The following SIPA1L1 variants were observed in gnomAD, a reference collection of about 807,000 sequenced individuals.
SIPA1L1 encodes the protein signal-induced proliferation-associated 1-like protein 1.
Under a neutral mutation model 162.7 loss-of-function variants are expected in SIPA1L1, and 26 were observed. The observed-to-expected ratio is 0.16, with a 90% CI of 0.12 to 0.22. SIPA1L1 has a LOEUF of 0.22. Ranked by LOEUF, SIPA1L1 falls within the 10% of genes least tolerant of loss-of-function variation. SIPA1L1 has a pLI of 1.00. For missense variants in SIPA1L1, 1,874 were observed against 2,241.0 expected (o/e 0.84, Z 3.31); for synonymous variants, 829 against 837.4 (o/e 0.99, Z 0.17).
chr14:71,332,421 T>C (rs1163761670), intron 2 of SIPA1L1, among the ~76,000 whole-genome samples: 2 of 152,188 alleles, frequency 1.3e-5, no homozygotes, highest in African/African-American at 4.8e-5. Context: ...ACAATTGCAG[T>C]TGTTTATGGT....
At chr14:71,637,857 G>A (rs2041319808) in intron 7 of SIPA1L1, among the ~76,000 whole-genome samples, 1 of 152,046 alleles carries the variant, frequency 6.6e-6, no homozygotes, top group Non-Finnish European at 1.5e-5. Flanking sequence ...CATGAATACA[G>A]GGGTACTACT....
intron 19 of SIPA1L1, among the ~76,000 whole-genome samples, chr14:71,727,317 G>A (rs541029036): frequency 2.9e-4 from 44 of 152,216 alleles, no homozygotes; most frequent in Middle Eastern, 6.8e-3. Flanking sequence ...TGAAAAGAAT[G>A]AGAGAACAGG....
intron 12 of SIPA1L1, among the ~76,000 whole-genome samples, chr14:71,684,452 G>A (rs772899523): frequency 3.9e-5 from 6 of 152,244 alleles, no homozygotes; most frequent in Admixed American, 6.5e-5. Context: ...GCCTTTGGCC[G>A]GACGCCCTTT....
At chr14:71,518,791 C>G (rs2052000811) in intron 3 of SIPA1L1, among the ~76,000 whole-genome samples, 1 of 151,920 alleles carries the variant, frequency 6.6e-6, no homozygotes, top group Non-Finnish European at 1.5e-5. Flanking sequence ...TGTTTTCATG[C>G]TGCTGATAAA....
At chr14:71,582,901 T>A (rs1326337605) in intron 4 of SIPA1L1, among the ~76,000 whole-genome samples, 1 of 152,218 alleles carries the variant, frequency 6.6e-6, no homozygotes, top group African/African-American at 2.4e-5. Context: ...CTAAGATGTG[T>A]TTCAGGCTAA....
chr14:71,618,893 T>A lies in SIPA1L1; in HGVS notation c.1629+6T>A, dbSNP rs2039108519. ...TAATTTTTAGAACTAGTGAGGTAAGTCGCAAATGAGAGAGGTTTGAGGTTT... is the reference window on the plus strand; with the variant it reads ...TAATTTTTAGAACTAGTGAGGTAAGACGCAAATGAGAGAGGTTTGAGGTTT... On this transcript the variant is annotated splice_donor_region_variant and intron_variant, in intron 6 of 23. Coordinates refer to ENST00000381232, the MANE Select transcript of SIPA1L1 (RefSeq NM_001386936.1). 2 of 1,612,572 alleles carry A rather than the reference T, an allele frequency of 1.2e-6. No individual in the cohort carries two copies. Among genetic ancestry groups the A allele is most frequent in the South Asian group, 2.2e-5 (2 of 90,684 alleles).
At chr14:71,416,720 T>C (rs2042787232) in intron 2 of SIPA1L1, among the ~76,000 whole-genome samples, 1 of 147,738 alleles carries the variant, frequency 6.8e-6, no homozygotes, top group Non-Finnish European at 1.5e-5. Context: ...AAGAAAAATC[T>C]ACACACACAC....
intron 4 of SIPA1L1, among the ~76,000 whole-genome samples, chr14:71,584,821 A>G (rs2034382537): frequency 6.6e-6 from 1 of 152,176 alleles, no homozygotes; most frequent in South Asian, 2.1e-4. Context: ...CTTTCAACAG[A>G]TGGAGGTGAC....
At chr14:71,372,769 A>G (rs1202885147) in intron 2 of SIPA1L1, among the ~76,000 whole-genome samples, 1 of 152,190 alleles carries the variant, frequency 6.6e-6, no homozygotes, top group African/African-American at 2.4e-5. Context: ...GGTGTCTGTA[A>G]TATTCAGTTG....
chr14:71,439,567 G>A (rs1595468973), intron 2 of SIPA1L1, among the ~76,000 whole-genome samples: 1 of 152,250 alleles, frequency 6.6e-6, no homozygotes, highest in Non-Finnish European at 1.5e-5. Flanking sequence ...AGTATGGAAT[G>A]GAAAACATTA....
At chr14:71,445,853 A>T (rs1292155730) in intron 2 of SIPA1L1, among the ~76,000 whole-genome samples, 3 of 151,952 alleles carry the variant, frequency 2.0e-5, no homozygotes, top group Non-Finnish European at 4.4e-5. Flanking sequence ...TTATTTATTT[A>T]TTTTATTTTT....
chr14:71,432,231 T>C (rs146619047), intron 2 of SIPA1L1, among the ~76,000 whole-genome samples: 283 of 152,162 alleles, frequency 1.9e-3, no homozygotes, highest in Non-Finnish European at 2.5e-3. Context: ...TGTGCCACCT[T>C]GCCTGACTAA....
At chr14:71,646,315 T>G (rs2042162178) in intron 7 of SIPA1L1, among the ~76,000 whole-genome samples, 1 of 152,108 alleles carries the variant, frequency 6.6e-6, no homozygotes, top group Admixed American at 6.5e-5. Context: ...TAGCTGGGAC[T>G]ACAGGTGCCC....
At chr14:71,505,610 G>A (rs773886052) in intron 2 of SIPA1L1, among the ~76,000 whole-genome samples, 3 of 151,546 alleles carry the variant, frequency 2.0e-5, no homozygotes, top group Non-Finnish European at 4.4e-5. Context: ...CTTTGTCTTG[G>A]CCTAGCTTTT....
chr14:71,556,288 A>G (rs141469503), intron 4 of SIPA1L1, among the ~76,000 whole-genome samples: 72 of 152,328 alleles, frequency 4.7e-4, no homozygotes, highest in African/African-American at 1.3e-3. Context: ...CACCATGACA[A>G]TCATCAACAC....
chr14:71,334,849 C>T (rs1566900612), intron 2 of SIPA1L1, among the ~76,000 whole-genome samples: 1 of 152,024 alleles, frequency 6.6e-6, no homozygotes, highest in Non-Finnish European at 1.5e-5. Context: ...TTAAAATTTG[C>T]TTAGGATCCA....
chr14:71,424,549 A>G (rs932428070), intron 2 of SIPA1L1, among the ~76,000 whole-genome samples: 5 of 151,992 alleles, frequency 3.3e-5, no homozygotes, highest in African/African-American at 1.2e-4. Flanking sequence ...GGGATATTTC[A>G]TCTCTTCATT....
chr14:71,490,311 T>C (rs940297360), intron 2 of SIPA1L1, among the ~76,000 whole-genome samples: 2 of 152,236 alleles, frequency 1.3e-5, no homozygotes, highest in Non-Finnish European at 2.9e-5. Flanking sequence ...ACCACTTTTC[T>C]TGTAGTCTTA....
intron 7 of SIPA1L1, among the ~76,000 whole-genome samples, chr14:71,632,586 C>T (rs1450337015): frequency 2.6e-5 from 4 of 152,162 alleles, no homozygotes; most frequent in African/African-American, 9.7e-5. Flanking sequence ...CTCCAGCTCC[C>T]CACTGTGTGG....
Sources: allele counts gnomAD v4.1 joint callset (sites outside exome capture counted in the v4.1 genomes callset), GRCh38; gene constraint gnomAD v4.1.1; transcripts MANE v1.5; gene names NCBI Gene and HGNC (gene_info 2026-07-23, HGNC 2026-07-21).